ADI1: variants seen among roughly 807,000 people sequenced by gnomAD.
ADI1 encodes the protein acireductone dioxygenase.
In ADI1, 21 loss-of-function variants were observed where a neutral mutation model predicts 18.7. The observed-to-expected ratio is 1.13, with a 90% CI of 0.80 to 1.62. The LOEUF (loss-of-function observed/expected upper bound fraction) is 1.62. Ranked by LOEUF, ADI1 falls within the 40% of genes most tolerant of loss-of-function variation. The probability of loss-of-function intolerance (pLI) is 0.00; values close to 1 mark genes in which losing one functional copy is unlikely to be tolerated. For synonymous variants in ADI1, 90 were observed against 100.1 expected (o/e 0.90, Z 0.60); for missense variants, 245 against 254.9 (o/e 0.96, Z 0.26).
At chr2:3,507,151 G>A (rs1454100868) in intron 2 of ADI1, among the ~76,000 whole-genome samples, 4 of 152,176 alleles carry the variant, frequency 2.6e-5, no homozygotes, top group African/African-American at 9.7e-5. Flanking sequence ...ATGTCCATGG[G>A]GAGCAGGGAT....
rs1227540479 is a variant in ADI1 at position 3,518,791 on chromosome 2, G to C, written c.120+577C>G. ...GGTTAGCCAGGCAGGCAGGGCGTCGGACAAGCCCAACGAGCCCACGAACTC... is the reference window on the plus strand; with the variant it reads ...GGTTAGCCAGGCAGGCAGGGCGTCGCACAAGCCCAACGAGCCCACGAACTC... On this transcript the variant is annotated intron_variant, in intron 1 of 3. Coordinates refer to ENST00000327435, the MANE Select transcript of ADI1 (RefSeq NM_018269.4). Among the ~76,000 whole-genome samples, 3 of 152,346 alleles carry C rather than the reference G, an allele frequency of 2.0e-5. No individual in the cohort carries two copies. The East Asian group carries it at 5.8e-4, about 29-fold the overall frequency.
chr2:3,509,839 T>TA (rs58123852), intron 2 of ADI1, among the ~76,000 whole-genome samples: 30,589 of 139,958 alleles, frequency 0.22, 3,265 homozygotes, highest in African/African-American at 0.27. Flanking sequence ...TACAAAAAAT[T>TA]AAAAAAAAAA....
intron 2 of ADI1, among the ~76,000 whole-genome samples, chr2:3,503,177 ACT>A (rs1170764940): frequency 1.3e-5 from 2 of 151,416 alleles, no homozygotes; most frequent in South Asian, 2.1e-4. Flanking sequence ...GTACATTCAC[ACT>A]CACATGCACA....
chr2:3,503,874 G>A (rs952522037), intron 2 of ADI1, among the ~76,000 whole-genome samples: 2 of 152,180 alleles, frequency 1.3e-5, no homozygotes, highest in African/African-American at 4.8e-5. Context: ...AGACAAGAAG[G>A]CCTCCAGCCC....
chr2:3,518,796 G>A (rs1455411370), intron 1 of ADI1, among the ~76,000 whole-genome samples: 7 of 152,330 alleles, frequency 4.6e-5, no homozygotes, highest in African/African-American at 1.7e-4. Flanking sequence ...CGTCGGACAA[G>A]CCCAACGAGC....
At chr2:3,505,195 T>A (rs114116573) in intron 2 of ADI1, among the ~76,000 whole-genome samples, 21 of 152,216 alleles carry the variant, frequency 1.4e-4, no homozygotes, top group Non-Finnish European at 2.4e-4. Context: ...CTCCATCCTA[T>A]CAAGTAAAAG....
In ADI1 at chr2:3,502,250, C is replaced by T. The variant is rs191823025; in HGVS notation, c.241-1257G>A. Among the ~76,000 whole-genome samples, 383 of 152,244 alleles carry T rather than the reference C, an allele frequency of 2.5e-3. 1 individual carries two copies. Among genetic ancestry groups the T allele is most frequent in the Non-Finnish European group, 4.6e-3 (314 of 68,018 alleles). On this transcript the variant is annotated intron_variant, in intron 2 of 3. Transcript: ENST00000327435. ...CTTATTATGTTGCCCAGGCTAGTCT[C>T]AAACTCCAGGCCTCAAGTGATCCTC...
At chr2:3,518,846 C>T (rs1478500273) in intron 1 of ADI1, among the ~76,000 whole-genome samples, 1 of 152,218 alleles carries the variant, frequency 6.6e-6, no homozygotes, top group Non-Finnish European at 1.5e-5. Flanking sequence ...TCTTGCAGCC[C>T]TGCCGGCCGA....
rs1667073284 is a variant in ADI1 at position 3,503,293 on chromosome 2, GCA to G, written c.241-2302_241-2301del. On this transcript the variant is annotated intron_variant, in intron 2 of 3. Transcript: ENST00000327435. The stretch of plus-strand genomic sequence containing the variant: ...CTCACTCATGTGCATTCACACACAT[GCA>G]CACATACACACTGACACGCACATTC... Among the ~76,000 whole-genome samples, 2 of 131,430 alleles carry G rather than the reference GCA, an allele frequency of 1.5e-5. 1 individual carries two copies. Among genetic ancestry groups the G allele is most frequent in the Non-Finnish European group, 3.0e-5 (2 of 65,574 alleles). 86.2% of individuals were successfully genotyped at this position (131,430 alleles called of 152,430 possible). A position where few individuals can be genotyped will look rare whatever the true frequency, so the allele number is the denominator to read the frequency against.
intron 2 of ADI1, among the ~76,000 whole-genome samples, chr2:3,504,849 T>G (rs9678134): frequency 6.6e-6 from 1 of 151,118 alleles, no homozygotes; most frequent in African/African-American, 2.5e-5. Flanking sequence ...TCTGCATTGT[T>G]GGTTCACCTG....
At chr2:3,509,815 T>C (rs1452892627) in intron 2 of ADI1, among the ~76,000 whole-genome samples, 2 of 149,112 alleles carry the variant, frequency 1.3e-5, no homozygotes, top group Non-Finnish European at 3.0e-5. Flanking sequence ...AACAACCTGG[T>C]GAGATTCCAA....
intron 1 of ADI1, chr2:3,517,024 GGA>G: frequency 1.2e-6 from 1 of 825,960 alleles, no homozygotes; most frequent in Middle Eastern, 6.3e-4. Flanking sequence ...GCCTGGCCCA[GGA>G]GAGGTCACTG....
chr2:3,508,511 T>C (rs1667226870), intron 2 of ADI1, among the ~76,000 whole-genome samples: 2 of 152,030 alleles, frequency 1.3e-5, no homozygotes, highest in African/African-American at 4.8e-5. Flanking sequence ...AAACTAACTA[T>C]AATACATGTC....
chr2:3,508,616 T>C (rs1466938231), intron 2 of ADI1, among the ~76,000 whole-genome samples: 7 of 152,022 alleles, frequency 4.6e-5, no homozygotes, highest in Non-Finnish European at 1.0e-4. Context: ...ATCAAAAAAA[T>C]GCTGGCCAGA....
chr2:3,519,215 G>C, intron 1 of ADI1, 153 bp downstream of exon 1: 2 of 1,174,752 alleles, frequency 1.7e-6, no homozygotes, highest in Non-Finnish European at 2.2e-6. Flanking sequence ...CCAGGCACCG[G>C]GAGCCGCCAC....
At chr2:3,514,329 A>G (rs1667354535) in intron 1 of ADI1, among the ~76,000 whole-genome samples, 1 of 152,106 alleles carries the variant, frequency 6.6e-6, no homozygotes, top group Non-Finnish European at 1.5e-5. Flanking sequence ...CATCCCACTC[A>G]TGAGTCTCAT....
chr2:3,505,140 G>A (rs1017061268), intron 2 of ADI1, among the ~76,000 whole-genome samples: 1 of 152,206 alleles, frequency 6.6e-6, no homozygotes, highest in Non-Finnish European at 1.5e-5. Context: ...TGTTTATATT[G>A]TTTGTTCACC....
chr2:3,508,196 G>A (rs556315188), intron 2 of ADI1, among the ~76,000 whole-genome samples: 19 of 151,854 alleles, frequency 1.3e-4, no homozygotes, highest in African/African-American at 3.6e-4. Context: ...TTAGCTGGGC[G>A]TGGTGGCAGG....
In ADI1 at chr2:3,519,432, C is replaced by T; in HGVS notation, c.56G>A (p.Arg19His). 7.3e-7 allele frequency: 1 copy of T among 1,371,448 alleles called. No homozygotes were observed. Among genetic ancestry groups the T allele is most frequent in the South Asian group, 1.7e-5 (1 of 58,194 alleles). 85.0% of individuals were successfully genotyped at this position (1,371,448 alleles called of 1,614,324 possible). A position where few individuals can be genotyped will look rare whatever the true frequency, so the allele number is the denominator to read the frequency against. The change falls in exon 1 of 4, where the codon CGC (arginine) becomes CAC (histidine). Residue 19 changes from arginine to histidine, a missense_variant. Physicochemically the swap from Arg to His is conservative, Grantham distance 29. Transcript: ENST00000327435. ...DAPGDPRQPHRPDPGRPVGLE... is the reference protein window; with the variant it reads ...DAPGDPRQPHHPDPGRPVGLE... ...GCCCACTGGGCGGCCGGGGTCGGGG[C>T]GGTGGGGTTGCCGCGGGTCGCCCGG...
Sources: gnomAD v4.1 joint callset for allele counts (sites outside exome capture counted in the v4.1 genomes callset) on GRCh38, gnomAD v4.1.1 for gene constraint, MANE v1.5 for transcripts, NCBI Gene and HGNC (gene_info 2026-07-23, HGNC 2026-07-21) for gene names.